Variants in PARD3 observed in about 807,000 individuals in gnomAD.
The protein encoded by PARD3 is par-3 family cell polarity regulator, also known as partitioning defective 3 homolog.
Under a neutral mutation model 155.4 loss-of-function variants are expected in PARD3, and 75 were observed. That is an observed-to-expected ratio of 0.48 (90% CI 0.40 to 0.58). PARD3 has a LOEUF of 0.58. Ranked by LOEUF, PARD3 falls within the 20% of genes least tolerant of loss-of-function variation. The pLI, the probability that PARD3 is intolerant of heterozygous loss-of-function variation, is 0.00. For missense variants in PARD3, 1,642 were observed against 1,721.7 expected (o/e 0.95, Z 0.82); for synonymous variants, 576 against 610.5 (o/e 0.94, Z 0.83).
chr10:34,349,531 C>G (rs1316177386), intron 14 of PARD3, among the ~76,000 whole-genome samples: 1 of 74,838 alleles, frequency 1.3e-5, no homozygotes, highest in Admixed American at 1.8e-4. Context: ...AATAAAAGAA[C>G]AGTTTCTAAA....
intron 7 of PARD3, among the ~76,000 whole-genome samples, chr10:34,391,728 T>A (rs1181064609): frequency 6.6e-6 from 1 of 152,280 alleles, no homozygotes; most frequent in Non-Finnish European, 1.5e-5. Flanking sequence ...ACAATCTGCA[T>A]ATAGATTATT....
chr10:34,193,811 G>C (rs901569076), intron 22 of PARD3, among the ~76,000 whole-genome samples: 4 of 152,168 alleles, frequency 2.6e-5, no homozygotes, highest in African/African-American at 7.2e-5. Flanking sequence ...CCCTTTATGA[G>C]AGAAAATTCA....
At chr10:34,750,742 G>A (rs1203532626) in intron 1 of PARD3, among the ~76,000 whole-genome samples, 1 of 149,106 alleles carries the variant, frequency 6.7e-6, no homozygotes, top group Non-Finnish European at 1.5e-5. Context: ...AGGCTGGAGT[G>A]CAGTGGCACG....
At chr10:34,170,943 T>C (rs1949757816) in intron 22 of PARD3, among the ~76,000 whole-genome samples, 1 of 152,216 alleles carries the variant, frequency 6.6e-6, no homozygotes, top group Admixed American at 6.5e-5. Flanking sequence ...TGCTCTTTCA[T>C]TTACCAATGG....
intron 22 of PARD3, among the ~76,000 whole-genome samples, chr10:34,239,532 T>C (rs1435917794): frequency 6.6e-6 from 1 of 152,188 alleles, no homozygotes; most frequent in East Asian, 1.9e-4. Context: ...CCTGGTATGG[T>C]GGCTCATGCC....
chr10:34,773,349 T>C (rs1839136068), intron 1 of PARD3, among the ~76,000 whole-genome samples: 1 of 152,252 alleles, frequency 6.6e-6, no homozygotes, highest in East Asian at 1.9e-4. Context: ...TTTCTTCTAA[T>C]GAATAACCGT....
At chr10:34,781,325 G>GT (rs1840215893) in intron 1 of PARD3, among the ~76,000 whole-genome samples, 1 of 152,188 alleles carries the variant, frequency 6.6e-6, no homozygotes, top group African/African-American at 2.4e-5. Context: ...GAAGAGCTGG[G>GT]TGCTCCCTAG....
rs376373511 is a variant in PARD3 at position 34,171,842 on chromosome 10, C to G, written c.3420-40259G>C. Among the ~76,000 whole-genome samples, 86 of 149,328 alleles carry G rather than the reference C, an allele frequency of 5.8e-4. 1 individual carries two copies. The highest frequency in any genetic ancestry group is 1.9e-3 in the African/African-American group (78 of 40,490). On this transcript the variant is annotated intron_variant, in intron 22 of 24. Transcript: ENST00000374788. ...GTGTGTGCCTATAATCCCAGCTACT[C>G]AGAAGGCTGAGGCAGGAGAATCACT...
At chr10:34,569,197 A>G (rs547527429) in intron 2 of PARD3, among the ~76,000 whole-genome samples, 85 of 152,208 alleles carry the variant, frequency 5.6e-4, no homozygotes, top group Non-Finnish European at 9.0e-4. Context: ...AGGTTCAAAC[A>G]TCAACATGTG....
At chr10:34,662,078 C>T (rs1047878977) in intron 2 of PARD3, among the ~76,000 whole-genome samples, 2 of 152,260 alleles carry the variant, frequency 1.3e-5, no homozygotes, top group South Asian at 2.1e-4. Flanking sequence ...GACAACTGCT[C>T]GGCTGACATC....
At chr10:34,402,726 CAT>C (rs1407102543) in intron 5 of PARD3, among the ~76,000 whole-genome samples, 12 of 152,138 alleles carry the variant, frequency 7.9e-5, no homozygotes, top group African/African-American at 1.9e-4. Flanking sequence ...GGTGTTTACA[CAT>C]GTCAGTTTAG....
At chr10:34,505,983 G>A (rs1480202543) in intron 3 of PARD3, among the ~76,000 whole-genome samples, 7 of 152,084 alleles carry the variant, frequency 4.6e-5, no homozygotes, top group Non-Finnish European at 7.4e-5. Context: ...AAAATCAGCC[G>A]GGAATTGTGG....
intron 3 of PARD3, among the ~76,000 whole-genome samples, chr10:34,504,553 G>A (rs1453216897): frequency 1.3e-5 from 2 of 152,004 alleles, no homozygotes; most frequent in South Asian, 4.1e-4. Context: ...ATAACACCAT[G>A]AATTAATAAA....
intron 5 of PARD3, among the ~76,000 whole-genome samples, chr10:34,444,573 G>GGA (rs2132698736): frequency 6.6e-6 from 1 of 152,296 alleles, no homozygotes; most frequent in East Asian, 1.9e-4. Context: ...CTCTGATGTA[G>GGA]GATTCAGCTA....
In PARD3 at chr10:34,743,069, G is replaced by A. The variant is rs556379504; in HGVS notation, c.121-46650C>T. ...TCATATGTTGAAGGCCTAATAGTAT[G>A]CACTGGACTTAGCAAATATTCAATT... On this transcript the variant is annotated intron_variant, in intron 1 of 24. Transcript: ENST00000374788. 2.0e-5 allele frequency among the ~76,000 whole-genome samples: 3 copies of A among 152,290 alleles called. No individual in the cohort carries two copies. In the South Asian group the frequency reaches 6.2e-4, roughly 32 times the overall value.
At chr10:34,414,258 T>C (rs1845426757) in intron 5 of PARD3, among the ~76,000 whole-genome samples, 1 of 151,616 alleles carries the variant, frequency 6.6e-6, no homozygotes, top group Admixed American at 6.6e-5. Flanking sequence ...ACAAATATCA[T>C]CAAGGTACAA....
chr10:34,669,512 T>C (rs780865097), intron 2 of PARD3, among the ~76,000 whole-genome samples: 1 of 152,144 alleles, frequency 6.6e-6, no homozygotes, highest in Non-Finnish European at 1.5e-5. Flanking sequence ...TATTGAATGA[T>C]GGTTAAAAGC....
intron 12 of PARD3, among the ~76,000 whole-genome samples, chr10:34,366,484 G>A (rs1839977527): frequency 6.6e-6 from 1 of 152,084 alleles, no homozygotes; most frequent in Admixed American, 6.6e-5. Context: ...ACCTGGATAT[G>A]ATGGGCAGGG....
intron 22 of PARD3, among the ~76,000 whole-genome samples, chr10:34,227,956 T>C (rs567731429): frequency 6.8e-6 from 1 of 147,096 alleles, no homozygotes; most frequent in Admixed American, 6.8e-5. Flanking sequence ...TAAAGACACA[T>C]GCACGCCTAT....
Sources: allele counts gnomAD v4.1 joint callset (sites outside exome capture counted in the v4.1 genomes callset), GRCh38; gene constraint gnomAD v4.1.1; transcripts MANE v1.5; gene names NCBI Gene and HGNC (gene_info 2026-07-23, HGNC 2026-07-21).